The following VAX2 variants were observed in gnomAD, a reference collection of about 807,000 sequenced individuals.
VAX2 encodes the protein ventral anterior homeobox 2.
VAX2 carries 8 observed loss-of-function variants against 12.5 expected under a neutral mutation model. The observed-to-expected ratio is 0.64, with a 90% CI of 0.37 to 1.15. The LOEUF (loss-of-function observed/expected upper bound fraction) is 1.15, where lower values mean the gene tolerates loss of function less well. Among genes scored for constraint, VAX2 ranks in the 50% most tolerant of loss-of-function variants. The pLI, the probability that VAX2 is intolerant of heterozygous loss-of-function variation, is 0.01. For synonymous variants in VAX2, 183 were observed against 187.6 expected (o/e 0.98, Z 0.20); for missense variants, 476 against 412.9 (o/e 1.15, Z -1.32).
intron 1 of VAX2, among the ~76,000 whole-genome samples, chr2:70,909,482 C>T (rs1459047391): frequency 6.6e-6 from 1 of 152,066 alleles, no homozygotes; most frequent in African/African-American, 2.4e-5. Flanking sequence ...TTTTTAATTA[C>T]AAAAGCAATC....
chr2:70,923,906 G>C (rs1159726731), intron 2 of VAX2, among the ~76,000 whole-genome samples: 1 of 152,210 alleles, frequency 6.6e-6, no homozygotes, highest in Admixed American at 6.5e-5. Flanking sequence ...GCCAAGGAGG[G>C]AGGATTGCTC....
At position 70,900,825 on chromosome 2, in the gene VAX2, C is replaced by T. The variant is rs1553409670; in HGVS notation, c.204C>T (p.Pro68=). Residue 68 remains proline (P), a synonymous_variant, in exon 1 of 3, where the codon CCC becomes CCT. Coordinates refer to ENST00000234392, the MANE Select transcript of VAX2 (RefSeq NM_012476.3). ...GTGGAGCCGACAGCGACGGGCAGCC[C>T]GGGCCCGGCGAGGCAGACCACTGCC... ...RESGADSDGQ[P]GPGEADHCRR... 6.8e-7 allele frequency: 1 copy of T among 1,478,682 alleles called. No homozygotes were observed. The highest frequency in any genetic ancestry group is 9.0e-7 in the Non-Finnish European group (1 of 1,115,340). The allele number at this position is 1,478,682 out of a possible 1,614,324, so 91.6% of individuals were successfully genotyped here.
chr2:70,913,306 A>T (rs1679231314), intron 1 of VAX2, among the ~76,000 whole-genome samples: 1 of 152,204 alleles, frequency 6.6e-6, no homozygotes, highest in South Asian at 2.1e-4. Flanking sequence ...AGGGATGGTA[A>T]TATCCCCTTA....
chr2:70,917,868 G>A (rs528768523), intron 1 of VAX2, among the ~76,000 whole-genome samples: 6 of 152,290 alleles, frequency 3.9e-5, no homozygotes, highest in African/African-American at 1.4e-4. Context: ...TAAGACACCA[G>A]CTGTAACAGC....
chr2:70,910,000 T>G (rs1248402399), intron 1 of VAX2, among the ~76,000 whole-genome samples: 1 of 152,190 alleles, frequency 6.6e-6, no homozygotes, highest in Non-Finnish European at 1.5e-5. Context: ...AAATCTTATT[T>G]ATGAGACAAT....
intron 1 of VAX2, among the ~76,000 whole-genome samples, chr2:70,902,764 G>A (rs1678962642): frequency 6.6e-6 from 1 of 152,176 alleles, no homozygotes; most frequent in Admixed American, 6.5e-5. Flanking sequence ...TGTGAGGTGG[G>A]GCCACCCAAG....
intron 2 of VAX2, among the ~76,000 whole-genome samples, chr2:70,930,530 G>T (rs1296078633): frequency 6.6e-6 from 1 of 152,184 alleles, no homozygotes; most frequent in Non-Finnish European, 1.5e-5. Context: ...AGACGACAGG[G>T]GGTGGCTTCA....
intron 1 of VAX2, among the ~76,000 whole-genome samples, chr2:70,917,823 C>T (rs1679343081): frequency 6.6e-6 from 1 of 152,086 alleles, no homozygotes; most frequent in South Asian, 2.1e-4. Flanking sequence ...TCAGATGCTA[C>T]AGGGTGGGCT....
intron 2 of VAX2, among the ~76,000 whole-genome samples, chr2:70,925,758 T>A (rs1679557262): frequency 6.6e-6 from 1 of 152,138 alleles, no homozygotes; most frequent in Non-Finnish European, 1.5e-5. Flanking sequence ...TAGCCAGGAA[T>A]TGGAAGAGAC....
At chr2:70,930,042 A>G (rs1679660061) in intron 2 of VAX2, among the ~76,000 whole-genome samples, 1 of 152,144 alleles carries the variant, frequency 6.6e-6, no homozygotes, top group African/African-American at 2.4e-5. Context: ...TTGATTATTG[A>G]ATCTGCATCC....
At chr2:70,931,726 A>T (rs569355255) in intron 2 of VAX2, among the ~76,000 whole-genome samples, 1 of 152,388 alleles carries the variant, frequency 6.6e-6, no homozygotes, top group East Asian at 1.9e-4. Context: ...CTCCAGGGTC[A>T]GTCTTCCCAA....
chr2:70,921,645 T>G (rs1679461491), intron 2 of VAX2, among the ~76,000 whole-genome samples: 1 of 151,650 alleles, frequency 6.6e-6, no homozygotes, highest in Non-Finnish European at 1.5e-5. Flanking sequence ...GCTTGGCTGG[T>G]TGGAAATAAC....
At chr2:70,931,259 A>T (rs2104789382) in intron 2 of VAX2, among the ~76,000 whole-genome samples, 1 of 151,964 alleles carries the variant, frequency 6.6e-6, no homozygotes, top group African/African-American at 2.4e-5. Flanking sequence ...CCTGAAAAAG[A>T]CCTCTTCCAT....
intron 1 of VAX2, among the ~76,000 whole-genome samples, chr2:70,918,838 T>TTGAGCTGAAAC (rs1679370068): frequency 8.0e-6 from 1 of 124,648 alleles, no homozygotes; most frequent in Non-Finnish European, 1.6e-5. Flanking sequence ...AGAGCTGAAA[T>TTGAGCTGAAAC]TGCGCCACAG....
intron 1 of VAX2, among the ~76,000 whole-genome samples, chr2:70,907,144 G>A (rs1679078974): frequency 6.6e-6 from 1 of 152,230 alleles, no homozygotes. Context: ...CAGTGATCAT[G>A]GCAGAACATA....
In VAX2 at chr2:70,906,520, C is replaced by CTTTTTTTTTTTTTTTTTT. The variant is rs869309305; in HGVS notation, c.247+5661_247+5678dup. On this transcript the variant is annotated intron_variant, in intron 1 of 2. Transcript: ENST00000234392. ...CTTTCTTTTTTTTTCTTTTCTTTTCCTTTTTTTTTTTTTTTTTTTTTTTTT... is the reference window on the plus strand; with the variant it reads ...CTTTCTTTTTTTTTCTTTTCTTTTCCTTTTTTTTTTTTTTTTTTTTTTTTTTTTTTTTTTTTTTTTTTT... Among the ~76,000 whole-genome samples the CTTTTTTTTTTTTTTTTTT allele has an allele frequency of 1.5e-4, 9 of 60,596 alleles. 1 individual carries two copies. Among genetic ancestry groups the CTTTTTTTTTTTTTTTTTT allele is most frequent in the African/African-American group, 4.1e-4 (5 of 12,248 alleles). 39.8% of individuals were successfully genotyped at this position (60,596 alleles called of 152,430 possible).
intron 1 of VAX2, among the ~76,000 whole-genome samples, chr2:70,902,248 A>G (rs933866651): frequency 1.3e-5 from 2 of 152,192 alleles, no homozygotes; most frequent in African/African-American, 4.8e-5. Context: ...CCTTGAATAC[A>G]GAGACAGGGG....
intron 1 of VAX2, among the ~76,000 whole-genome samples, chr2:70,901,678 C>G (rs1553409801): frequency 1.3e-5 from 2 of 152,374 alleles, no homozygotes; most frequent in East Asian, 1.9e-4. Flanking sequence ...GGCCGAGGCT[C>G]CCCAGGTCCC....
intron 2 of VAX2, among the ~76,000 whole-genome samples, chr2:70,922,280 T>G (rs1243174009): frequency 6.6e-6 from 1 of 152,068 alleles, no homozygotes; most frequent in Non-Finnish European, 1.5e-5. Context: ...ATTGATAAAG[T>G]GGAGAGGAAG....
Sources: gnomAD v4.1 joint callset for allele counts (sites outside exome capture counted in the v4.1 genomes callset) on GRCh38, gnomAD v4.1.1 for gene constraint, MANE v1.5 for transcripts, NCBI Gene and HGNC (gene_info 2026-07-23, HGNC 2026-07-21) for gene names.